The following SLC35E4 variants were observed in gnomAD, a reference collection of about 807,000 sequenced individuals.
SLC35E4 encodes solute carrier family 35, member E4.
Under a neutral mutation model 19.3 loss-of-function variants are expected in SLC35E4, and 15 were observed. That is an observed-to-expected ratio of 0.78 (90% CI 0.52 to 1.20). The LOEUF (loss-of-function observed/expected upper bound fraction) is 1.20, where lower values mean the gene tolerates loss of function less well. SLC35E4 is among the 50% of genes most tolerant of loss of function. The pLI is 0.00. For missense variants in SLC35E4, 406 were observed against 472.3 expected (o/e 0.86, Z 1.30); for synonymous variants, 219 against 219.9 (o/e 1.00, Z 0.04).
chr22:30,642,307 T>C (rs1331342987), intron 1 of SLC35E4, among the ~76,000 whole-genome samples: 2 of 151,544 alleles, frequency 1.3e-5, no homozygotes, highest in Non-Finnish European at 2.9e-5. Context: ...ACACCCAGCC[T>C]GAGATAGGTT....
chr22:30,647,038 G>A lies in SLC35E4; in HGVS notation c.*7G>A. On this transcript the variant is annotated 3_prime_UTR_variant, in exon 2 of 2. Transcript: ENST00000343605. ...GCCCAGCAAGGGTCTTTGAGACCTG[G>A]GGGATCTCAGGAGCCACCTGGGATG... The A allele has an allele frequency of 3.2e-6, 5 of 1,581,490 alleles. No individual in the cohort carries two copies. Among genetic ancestry groups the A allele is most frequent in the Non-Finnish European group, 3.4e-6 (4 of 1,164,664 alleles).
At chr22:30,637,637 C>A (rs1047335730) in intron 1 of SLC35E4, among the ~76,000 whole-genome samples, 4 of 152,160 alleles carry the variant, frequency 2.6e-5, no homozygotes, top group Non-Finnish European at 4.4e-5. Context: ...CGATCTTCCC[C>A]CCTCAGCTTC....
At position 30,646,728 on chromosome 22, in the gene SLC35E4, C is replaced by T. The variant is rs1453065834; in HGVS notation, c.750C>T (p.Gly250=). 5.6e-6 allele frequency: 9 copies of T among 1,612,892 alleles called. No homozygotes were observed. Among genetic ancestry groups the T allele is most frequent in the East Asian group, 4.5e-5 (2 of 44,858 alleles). The change falls in exon 2 of 2, where the codon GGC becomes GGT. Residue 250 remains glycine (G), a synonymous_variant. Coordinates refer to ENST00000343605, the MANE Select transcript of SLC35E4 (RefSeq NM_001001479.4). ...GCGTTGCCCCACCGCCCACTGCTGG[C>T]GACTCTCGCCTCTGGGCCTGCATCC... ...EAGVAPPPTA[G]DSRLWACILL...
chr22:30,651,391 G>T (rs1569061861), downstream of SLC35E4, among the ~76,000 whole-genome samples: 3 of 37,794 alleles, frequency 7.9e-5, no homozygotes, highest in African/African-American at 3.0e-4. Context: ...GTGTGTGTGT[G>T]TGTGTGTGTA....
chr22:30,645,368 G>C (rs930017507), intron 1 of SLC35E4, among the ~76,000 whole-genome samples: 1 of 152,158 alleles, frequency 6.6e-6, no homozygotes, highest in Non-Finnish European at 1.5e-5. Flanking sequence ...GCCGAGGTGG[G>C]AGGATCACCT....
At position 30,637,005 on chromosome 22, in the gene SLC35E4, C is replaced by G. The variant is rs1368278381; in HGVS notation, c.555C>G (p.Pro185=). Residue 185 remains proline, a synonymous_variant, in exon 1 of 2, where the codon CCC becomes CCG. Transcript: ENST00000343605. ...ACSLAGEFRT[P]PTGCGFLLAA... The stretch of plus-strand genomic sequence containing the variant: ...GCCTGGCTGGAGAGTTCCGGACACC[C>G]CCTACCGGCTGTGGCTTCCTGCTCG... The G allele has an allele frequency of 1.2e-6, 2 of 1,602,742 alleles. No individual in the cohort carries two copies. The highest frequency in any genetic ancestry group is 1.7e-6 in the Non-Finnish European group (2 of 1,172,354).
chr22:30,654,238 C>T (rs1002947384), intron 2 of SLC35E4: 2 of 371,294 alleles, frequency 5.4e-6, no homozygotes, highest in Non-Finnish European at 1.1e-5. Flanking sequence ...CCCGCCTCCG[C>T]CTCCCAAAGT....
rs1038692160 is a variant in SLC35E4, at chr22:30,636,274, T to C, written c.-177T>C. 3 of 941,032 alleles carry C rather than the reference T, an allele frequency of 3.2e-6. No homozygotes were observed. The Admixed American group carries it at 9.2e-5, about 29-fold the overall frequency. 58.3% of individuals were successfully genotyped at this position (941,032 alleles called of 1,614,324 possible). On this transcript the variant is annotated 5_prime_UTR_variant, in exon 1 of 2. Transcript: ENST00000343605. ...GCCCTGTCTGAGCTGGAAACACAGC[T>C]TAGCTTCTAGACATCGCTGGCACAG...
rs762075089 is a variant in SLC35E4, at chr22:30,646,824, C to A, written c.846C>A (p.Leu282=). 2 of 1,614,256 alleles carry A rather than the reference C, an allele frequency of 1.2e-6. No homozygotes were observed. Among genetic ancestry groups the A allele is most frequent in the East Asian group, 4.5e-5 (2 of 44,884 alleles). Residue 282 remains leucine, a synonymous_variant, in exon 2 of 2, where the codon CTC becomes CTA. Coordinates refer to ENST00000343605, the MANE Select transcript of SLC35E4 (RefSeq NM_001001479.4). Reference sequence around the variant, plus strand: ...CCCTGCTGGCCCTCACCTCTGCCCTCACCGTCCACGTCCTGGGCAACCTCA... The same window carrying A: ...CCCTGCTGGCCCTCACCTCTGCCCTAACCGTCCACGTCCTGGGCAACCTCA... The part of the protein sequence containing the change: ...SFSLLALTSA[L]TVHVLGNLTV...
downstream of SLC35E4, chr22:30,664,867 C>G (rs1045045220): frequency 3.3e-5 from 5 of 152,510 alleles, no homozygotes; most frequent in African/African-American, 1.2e-4. Context: ...ACAGCAGGGC[C>G]TTAGGAAGAC....
downstream of SLC35E4, chr22:30,667,165 CTA>C (rs1436883874): frequency 6.6e-6 from 1 of 152,142 alleles, no homozygotes; most frequent in South Asian, 2.1e-4. Context: ...AGACCGGCGT[CTA>C]GAGTTAATAT....
exon 3 of SLC35E4, chr22:30,668,967 T>C (rs981613671): frequency 1.3e-5 from 2 of 152,222 alleles, no homozygotes; most frequent in African/African-American, 4.8e-5. Context: ...AAGAGTTTTA[T>C]GCGTCTTTAA....
downstream of SLC35E4, among the ~76,000 whole-genome samples, chr22:30,648,568 A>G (rs893617049): frequency 6.6e-6 from 1 of 152,140 alleles, no homozygotes; most frequent in Non-Finnish European, 1.5e-5. Context: ...CCTGGCCAAC[A>G]TGCTGAAACA....
chr22:30,636,708 C>T lies in SLC35E4; in HGVS notation c.258C>T (p.His86=), dbSNP rs777604701. 7.4e-6 allele frequency: 12 copies of T among 1,611,784 alleles called. No homozygotes were observed. The highest frequency in any genetic ancestry group is 1.0e-5 in the Non-Finnish European group (12 of 1,179,066). ...FGRPLLLSAL[H]MLVAALACHR... is the part of the protein sequence containing the mutation. ...GGCCCCTGCTGCTGTCGGCCCTGCA[C>T]ATGCTGGTGGCAGCCCTGGCATGCC... The change falls in exon 1 of 2, where the codon CAC becomes CAT. Residue 86 remains histidine, a synonymous_variant. Transcript: ENST00000343605.
At chr22:30,663,496 G>A (rs537667528), downstream of SLC35E4, 43 of 1,614,058 alleles carry the variant, frequency 2.7e-5, no homozygotes, top group South Asian at 4.3e-4. Context: ...ATTCCCACTG[G>A]GGAACTGACC....
intron 2 of SLC35E4, among the ~76,000 whole-genome samples, chr22:30,659,584 G>C (rs5753266): frequency 0.64 from 96,524 of 151,944 alleles, 31,698 homozygotes; most frequent in East Asian, 0.81. Flanking sequence ...GTTGGCCAGG[G>C]TGGTCTCGAA....
At chr22:30,660,536 A>G (rs1334373027) in intron 2 of SLC35E4, among the ~76,000 whole-genome samples, 1 of 152,200 alleles carries the variant, frequency 6.6e-6, no homozygotes, top group South Asian at 2.1e-4. Context: ...AAGCTCTAAC[A>G]TTCATGTTAT....
chr22:30,636,240 C>G lies in SLC35E4; in HGVS notation c.-211C>G. On this transcript the variant is annotated 5_prime_UTR_variant, in exon 1 of 2. Transcript: ENST00000343605. ...ACCCTGGCATCCTAGCAGCCGCGAC[C>G]TTGGCTCTGCCCTGTCTGAGCTGGA... The G allele has an allele frequency of 1.5e-6, 1 of 658,078 alleles. No individual in the cohort carries two copies. Among genetic ancestry groups the G allele is most frequent in the Non-Finnish European group, 2.3e-6 (1 of 427,052 alleles). The allele number at this position is 658,078 out of a possible 1,614,324, so 40.8% of individuals were successfully genotyped here.
chr22:30,668,178 C>T, downstream of SLC35E4: 1 of 158,858 alleles, frequency 6.3e-6, no homozygotes. Flanking sequence ...CCACGATTTA[C>T]GGGACCGGCG....
Sources: allele counts gnomAD v4.1 joint callset (sites outside exome capture counted in the v4.1 genomes callset), GRCh38; gene constraint gnomAD v4.1.1; transcripts MANE v1.5; gene names NCBI Gene and HGNC (gene_info 2026-07-23, HGNC 2026-07-21).